Variants in AXIN1 observed in about 807,000 individuals in gnomAD.
The protein encoded by AXIN1 is axin-1.
In AXIN1, 30 loss-of-function variants were observed where a neutral mutation model predicts 76.4. The ratio of observed to expected loss-of-function variants is 0.39; its 90% CI spans 0.29 to 0.53. The LOEUF is 0.53. Ranked by LOEUF, AXIN1 falls within the 20% of genes least tolerant of loss-of-function variation. The pLI is 0.66. For synonymous variants in AXIN1, 545 were observed against 501.4 expected (o/e 1.09, Z -1.16); for missense variants, 1,140 against 1,198.8 (o/e 0.95, Z 0.72).
intron 4 of AXIN1, among the ~76,000 whole-genome samples, chr16:308,312 C>T (rs1342895089): frequency 6.6e-6 from 1 of 152,200 alleles, no homozygotes; most frequent in Non-Finnish European, 1.5e-5. Context: ...AGAGGTCTTT[C>T]CAGGTCCACG....
At chr16:314,766 A>G (rs1465681660) in intron 2 of AXIN1, 83 bp from the exon 3 acceptor site, 2 of 1,569,180 alleles carry the variant, frequency 1.3e-6, no homozygotes, top group African/African-American at 2.7e-5. Flanking sequence ...TTATCTGAAT[A>G]TCTCAATGTA....
At chr16:291,594 AT>A in intron 8 of AXIN1, 1 of 476,432 alleles carries the variant, frequency 2.1e-6, no homozygotes, top group Admixed American at 3.3e-5. Context: ...CCACCACCTC[AT>A]CCCCTCTGGT....
chr16:351,534 C>G (rs1192445248), intron 1 of AXIN1, among the ~76,000 whole-genome samples: 1 of 151,766 alleles, frequency 6.6e-6, no homozygotes, highest in Non-Finnish European at 1.5e-5. Flanking sequence ...TGCTTGAACC[C>G]GGGAGGCGGA....
chr16:352,346 C>T (rs1443497746), intron 1 of AXIN1, 23 bp downstream of exon 1: 1 of 980,236 alleles, frequency 1.0e-6, no homozygotes, highest in Non-Finnish European at 1.2e-6. Context: ...GCCTAGCCCG[C>T]CCCGGAGCCC....
intron 1 of AXIN1, among the ~76,000 whole-genome samples, chr16:351,770 G>A (rs2054149821): frequency 6.6e-6 from 1 of 151,986 alleles, no homozygotes; most frequent in African/African-American, 2.4e-5. Flanking sequence ...ATATCTTATA[G>A]ATGGGCTGAG....
chr16:291,674 A>G, intron 8 of AXIN1: 1 of 360,274 alleles, frequency 2.8e-6, no homozygotes, highest in Non-Finnish European at 5.4e-6. Context: ...GATAGCGTGG[A>G]CACTGGCTCT....
intron 1 of AXIN1, among the ~76,000 whole-genome samples, chr16:348,843 A>C (rs1288597253): frequency 2.0e-5 from 3 of 151,938 alleles, no homozygotes; most frequent in Non-Finnish European, 4.4e-5. Context: ...TCACACCTGT[A>C]ATCCCAGCAC....
At position 326,372 on chromosome 16, in the gene AXIN1, A is replaced by AAATATAT. The variant is rs1380874299; in HGVS notation, c.879-11690_879-11689insATATATT. Among the ~76,000 whole-genome samples the AAATATAT allele has an allele frequency of 6.2e-4, 54 of 86,458 alleles. 1 individual carries two copies. In the East Asian group the frequency reaches 0.018, roughly 28 times the overall value. 56.7% of individuals were successfully genotyped at this position (86,458 alleles called of 152,430 possible). A position where few individuals can be genotyped will look rare whatever the true frequency, so the allele number is the denominator to read the frequency against. On this transcript the variant is annotated intron_variant, in intron 2 of 10. Transcript: ENST00000262320. ...TCCGTCTCAAAAAAAAAAAAAAAAAAATATATATATATATATATATATACA... is the reference window on the plus strand; with the variant it reads ...TCCGTCTCAAAAAAAAAAAAAAAAAAAATATATATATATATATATATATATATATACA...
At chr16:320,524 G>A (rs2053416232) in intron 2 of AXIN1, among the ~76,000 whole-genome samples, 1 of 152,014 alleles carries the variant, frequency 6.6e-6, no homozygotes. Context: ...TTAGAAACAG[G>A]TCAAGCTTCA....
rs1377902744 is a variant in AXIN1, at chr16:304,569, C to A, written c.1117-128G>T. The A allele has an allele frequency of 3.5e-6, 5 of 1,422,438 alleles. No individual in the cohort carries two copies. The African/African-American group carries it at 5.7e-5, about 16-fold the overall frequency. The allele number at this position is 1,422,438 out of a possible 1,614,324, so 88.1% of individuals were successfully genotyped here. A position where few individuals can be genotyped will look rare whatever the true frequency, so the allele number is the denominator to read the frequency against. On this transcript the variant is annotated intron_variant, in intron 4 of 10. Coordinates refer to ENST00000262320, the MANE Select transcript of AXIN1 (RefSeq NM_003502.4). ...TATTTTTTTGAGACAAACTCTTGCT[C>A]TGTCACCCAGGCTGGAGTGCAATGG... is the stretch of plus-strand genomic sequence containing the variant.
At chr16:325,204 GC>G (rs2141636861) in intron 2 of AXIN1, among the ~76,000 whole-genome samples, 1 of 152,204 alleles carries the variant, frequency 6.6e-6, no homozygotes, top group Admixed American at 6.6e-5. Flanking sequence ...CAACCCGGAA[GC>G]CTGGGGAGGC....
At chr16:308,740 C>T (rs772104956) in intron 4 of AXIN1, among the ~76,000 whole-genome samples, 23 of 152,144 alleles carry the variant, frequency 1.5e-4, no homozygotes, top group Non-Finnish European at 2.1e-4. Flanking sequence ...AGCACAAGCA[C>T]GCACACACGC....
intron 1 of AXIN1, among the ~76,000 whole-genome samples, chr16:351,812 C>T (rs1306349790): frequency 6.6e-6 from 1 of 152,110 alleles, no homozygotes; most frequent in Non-Finnish European, 1.5e-5. Flanking sequence ...ATGTTTTTCT[C>T]TACTTTCTTC....
At chr16:339,173 T>C (rs1176908391) in intron 2 of AXIN1, among the ~76,000 whole-genome samples, 23 of 127,566 alleles carry the variant, frequency 1.8e-4, no homozygotes, top group Admixed American at 1.7e-3. Flanking sequence ...AGGTCAGGAG[T>C]TCAAAACCAG....
In AXIN1 at chr16:346,839, G is replaced by T; in HGVS notation, c.187C>A (p.Arg63Ser). ...TCATACCCCAGGTCCAGATCCGAGCGCCTCGGAGTGGCCGTCGAAGTCTCA... is the reference window on the plus strand; with the variant it reads ...TCATACCCCAGGTCCAGATCCGAGCTCCTCGGAGTGGCCGTCGAAGTCTCA... ...KGETSTATPR[R>S]SDLDLGYEPE... The change falls in exon 2 of 11, where the codon CGC (arginine) becomes AGC (serine). Residue 63 changes from arginine (R) to serine (S), a missense_variant. Arg to Ser is a moderately radical substitution (Grantham distance 110). This residue lies in a region of AXIN1 where 708 missense variants were observed against 776.9 expected (regional missense o/e 0.91). Transcript: ENST00000262320. The T allele has an allele frequency of 6.2e-7, 1 of 1,613,502 alleles. No individual in the cohort carries two copies. The highest frequency in any genetic ancestry group is 2.2e-5 in the East Asian group (1 of 44,868).
At chr16:329,590 C>T (rs1228212647) in intron 2 of AXIN1, among the ~76,000 whole-genome samples, 1 of 150,908 alleles carries the variant, frequency 6.6e-6, no homozygotes, top group Non-Finnish European at 1.5e-5. Flanking sequence ...GGATTACAGG[C>T]GCACAACACC....
chr16:349,683 T>C (rs1025412882), intron 1 of AXIN1, among the ~76,000 whole-genome samples: 2 of 152,222 alleles, frequency 1.3e-5, no homozygotes, highest in Non-Finnish European at 2.9e-5. Context: ...CATTCACTGA[T>C]GTAAAAAAGA....
intron 2 of AXIN1, among the ~76,000 whole-genome samples, chr16:327,006 G>C (rs867767461): frequency 1.3e-5 from 2 of 151,270 alleles, no homozygotes; most frequent in African/African-American, 4.9e-5. Flanking sequence ...GCCGGGTGCG[G>C]TGGCGGGTGC....
chr16:332,915 T>A (rs191418155), intron 2 of AXIN1, among the ~76,000 whole-genome samples: 6 of 152,310 alleles, frequency 3.9e-5, no homozygotes, highest in Admixed American at 3.3e-4. Context: ...ATGCAATCAA[T>A]GGCTCACACC....
Sources: gnomAD v4.1 joint callset for allele counts (sites outside exome capture counted in the v4.1 genomes callset) on GRCh38, gnomAD v4.1.1 for gene constraint, gnomAD v4.1.1 regional missense constraint, MANE v1.5 for transcripts, NCBI Gene and HGNC (gene_info 2026-07-23, HGNC 2026-07-21) for gene names.